GK5: variants seen among roughly 807,000 people sequenced by gnomAD.
GK5 encodes the protein ATP:glycerol 3-phosphotransferase 5.
A neutral mutation model predicts 77.3 loss-of-function variants in GK5; 39 were observed. The ratio of observed to expected loss-of-function variants is 0.50; its 90% CI spans 0.39 to 0.66. GK5 has a LOEUF of 0.66. GK5 is among the 30% of genes least tolerant of loss of function. GK5 has a pLI of 0.00. For synonymous variants in GK5, 211 were observed against 208.0 expected, an observed-to-expected ratio of 1.01 and a Z score of -0.13; for missense variants, 487 against 633.8, an observed-to-expected ratio of 0.77 and a Z score of 2.49.
chr3:142,190,502 T>G (rs1192086862), intron 5 of GK5, among the ~76,000 whole-genome samples: 2 of 152,142 alleles, frequency 1.3e-5, no homozygotes, highest in Non-Finnish European at 2.9e-5. Flanking sequence ...TTTGAAGAGA[T>G]AACACCTGAG....
At chr3:142,210,901 AT>A (rs1170237739) in intron 3 of GK5, among the ~76,000 whole-genome samples, 2 of 152,202 alleles carry the variant, frequency 1.3e-5, no homozygotes, top group Non-Finnish European at 2.9e-5. Flanking sequence ...GACACATCCA[AT>A]CAGTTCTTTC....
chr3:142,186,394 AATCT>A (rs1472490026), intron 7 of GK5, 54 bp downstream of exon 7: 16 of 1,101,250 alleles, frequency 1.5e-5, no homozygotes, highest in Middle Eastern at 2.4e-4. Flanking sequence ...TAAAAATTTA[AATCT>A]ATCTATATTA....
chr3:142,196,221 C>T (rs1193701347), intron 5 of GK5, among the ~76,000 whole-genome samples: 2 of 151,952 alleles, frequency 1.3e-5, no homozygotes, highest in African/African-American at 4.8e-5. Context: ...GGTTTTCTCT[C>T]GTCTTTGTCA....
chr3:142,175,645 C>T lies in GK5; in HGVS notation c.1143+1837G>A, dbSNP rs942573077. On this transcript the variant is annotated intron_variant, in intron 12 of 15. Coordinates refer to ENST00000392993, the MANE Select transcript of GK5 (RefSeq NM_001039547.3). ...AATTTCCAGTTAAAGTTTCATTTTACACAGGGAAATACATGACCTACGGTC... is the reference window on the plus strand; with the variant it reads ...AATTTCCAGTTAAAGTTTCATTTTATACAGGGAAATACATGACCTACGGTC... 2.0e-5 allele frequency among the ~76,000 whole-genome samples: 3 copies of T among 152,080 alleles called. No individual in the cohort carries two copies. The East Asian group carries it at 5.8e-4, about 29-fold the overall frequency.
Position 142,157,708 on chromosome 3 carries a change from A to T in GK5, c.*7914T>A, listed in dbSNP as rs1487717470. ...TATTTATAATCTTTCTAAATATTTTAAAATACAGTATATTTTCACAACAAA... is the reference window on the plus strand; with the variant it reads ...TATTTATAATCTTTCTAAATATTTTTAAATACAGTATATTTTCACAACAAA... On this transcript the variant is annotated 3_prime_UTR_variant, in exon 16 of 16. Coordinates refer to ENST00000392993, the MANE Select transcript of GK5 (RefSeq NM_001039547.3). 6.6e-6 allele frequency: 1 copy of T among 152,212 alleles called. No individual in the cohort carries two copies. Among genetic ancestry groups the T allele is most frequent in the South Asian group, 2.1e-4 (1 of 4,832 alleles). 9.4% of individuals were successfully genotyped at this position (152,212 alleles called of 1,614,324 possible).
chr3:142,206,523 A>G (rs2064109818), intron 3 of GK5, among the ~76,000 whole-genome samples: 1 of 152,124 alleles, frequency 6.6e-6, no homozygotes, highest in South Asian at 2.1e-4. Flanking sequence ...AATGACATTG[A>G]GCATCTTTGT....
At chr3:142,206,854 G>T (rs1297318945) in intron 3 of GK5, among the ~76,000 whole-genome samples, 3 of 152,124 alleles carry the variant, frequency 2.0e-5, no homozygotes, top group Non-Finnish European at 2.9e-5. Context: ...TTGTTCACGT[G>T]TAAAATTGGA....
chr3:142,195,126 T>C (rs979753491), intron 5 of GK5, among the ~76,000 whole-genome samples: 4 of 152,038 alleles, frequency 2.6e-5, no homozygotes, highest in Non-Finnish European at 4.4e-5. Context: ...GACATGATCA[T>C]GTGTTTTTTT....
At chr3:142,185,707 T>C in intron 9 of GK5, 2 of 1,469,458 alleles carry the variant, frequency 1.4e-6, no homozygotes, top group African/African-American at 2.8e-5. Context: ...GAAAAGGTTA[T>C]AAAGTACTTC....
chr3:142,201,963 C>T (rs904394476), intron 4 of GK5, among the ~76,000 whole-genome samples: 29 of 152,090 alleles, frequency 1.9e-4, no homozygotes, highest in Admixed American at 2.6e-4. Context: ...AGTAGGGTGG[C>T]AGGGAAGGGT....
In GK5 at chr3:142,193,497, C is replaced by CA. The variant is rs975836020; in HGVS notation, c.543+5304dup. On this transcript the variant is annotated intron_variant, in intron 5 of 15. Coordinates refer to ENST00000392993, the MANE Select transcript of GK5 (RefSeq NM_001039547.3). ...CTTGTCTGCTACAAAAAAAAAAAAA[C>CA]AAAAAAAAAAGCAGAAATTTTGGTA... Among the ~76,000 whole-genome samples, 894 of 133,074 alleles carry CA rather than the reference C, an allele frequency of 6.7e-3. 11 individuals carry two copies. The highest frequency in any genetic ancestry group is 0.043 in the East Asian group (198 of 4,576). The allele number at this position is 133,074 out of a possible 152,430, so 87.3% of individuals were successfully genotyped here.
chr3:142,193,990 C>T (rs182346825), intron 5 of GK5, among the ~76,000 whole-genome samples: 4 of 152,170 alleles, frequency 2.6e-5, no homozygotes, highest in Non-Finnish European at 4.4e-5. Flanking sequence ...ATCCACCCCC[C>T]TCGGCCTCCC....
rs1407448771 is a variant in GK5 at position 142,159,847 on chromosome 3, C to CTTTTTTTTTTTTTTTTTTTTTTTTTTT, written c.*5774_*5775insAAAAAAAAAAAAAAAAAAAAAAAAAAA. On this transcript the variant is annotated 3_prime_UTR_variant, in exon 16 of 16. Coordinates refer to ENST00000392993, the MANE Select transcript of GK5 (RefSeq NM_001039547.3). ...TGGGGCTTTCTCTCTCTCTCTCTCTCTCTCTCTTTTTTTTTTTTGAGACAG... is the reference window on the plus strand; with the variant it reads ...TGGGGCTTTCTCTCTCTCTCTCTCTCTTTTTTTTTTTTTTTTTTTTTTTTTTTTCTCTCTTTTTTTTTTTTGAGACAG... 4 of 103,150 alleles carry CTTTTTTTTTTTTTTTTTTTTTTTTTTT rather than the reference C, an allele frequency of 3.9e-5. No homozygotes were observed. Among genetic ancestry groups the CTTTTTTTTTTTTTTTTTTTTTTTTTTT allele is most frequent in the African/African-American group, 1.6e-4 (4 of 25,144 alleles). The allele number at this position is 103,150 out of a possible 1,614,324, so 6.4% of individuals were successfully genotyped here.
intron 5 of GK5, among the ~76,000 whole-genome samples, chr3:142,189,145 G>C (rs1209611107): frequency 1.3e-5 from 2 of 151,980 alleles, no homozygotes; most frequent in Admixed American, 1.3e-4. Flanking sequence ...GCTCTTTAAG[G>C]GCAGGGACAA....
At chr3:142,198,232 CA>C (rs1444860114) in intron 5 of GK5, among the ~76,000 whole-genome samples, 1 of 152,032 alleles carries the variant, frequency 6.6e-6, no homozygotes, top group Non-Finnish European at 1.5e-5. Flanking sequence ...AAAATATAAG[CA>C]AAGTAATTTA....
intron 15 of GK5, 160 bp downstream of exon 15, chr3:142,170,165 G>A: frequency 1.3e-6 from 1 of 783,916 alleles, no homozygotes; most frequent in Non-Finnish European, 2.3e-6. Flanking sequence ...CAACAGAGGA[G>A]GTCACAGGAT....
intron 9 of GK5, 84 bp from the exon 10 acceptor site, chr3:142,183,133 T>C (rs1025541987): frequency 2.5e-6 from 3 of 1,200,794 alleles, no homozygotes; most frequent in Non-Finnish European, 3.5e-6. Flanking sequence ...TATTGTACTC[T>C]CATGATTAAA....
intron 5 of GK5, among the ~76,000 whole-genome samples, chr3:142,189,549 T>C (rs2063819992): frequency 6.6e-6 from 1 of 152,208 alleles, no homozygotes; most frequent in South Asian, 2.1e-4. Context: ...GCACAATGCC[T>C]GACAGGTGGT....
chr3:142,190,156 T>C (rs372822648), intron 5 of GK5, among the ~76,000 whole-genome samples: 8 of 151,954 alleles, frequency 5.3e-5, no homozygotes, highest in African/African-American at 9.7e-5. Flanking sequence ...TTAGAAACAA[T>C]TGAAGAGTGA....
Sources: gnomAD v4.1 joint callset for allele counts (sites outside exome capture counted in the v4.1 genomes callset) on GRCh38, gnomAD v4.1.1 for gene constraint, MANE v1.5 for transcripts, NCBI Gene and HGNC (gene_info 2026-07-23, HGNC 2026-07-21) for gene names.